Variants in GRIP2 observed in about 807,000 individuals in gnomAD.
GRIP2 encodes the protein glutamate receptor-interacting protein 2.
A neutral mutation model predicts 108.3 loss-of-function variants in GRIP2; 58 were observed. That is an observed-to-expected ratio of 0.54 (90% CI 0.43 to 0.67). The LOEUF (loss-of-function observed/expected upper bound fraction) is 0.67. GRIP2 is among the 30% of genes least tolerant of loss of function. The probability of loss-of-function intolerance (pLI) is 0.00; values close to 1 mark genes in which losing one functional copy is unlikely to be tolerated. For missense variants in GRIP2, 1,278 were observed against 1,430.6 expected, an observed-to-expected ratio of 0.89 and a Z score of 1.72; for synonymous variants, 586 against 598.2, an observed-to-expected ratio of 0.98 and a Z score of 0.30.
chr3:14,547,729 C>T (rs1284706969), intron 1 of GRIP2, among the ~76,000 whole-genome samples: 1 of 152,178 alleles, frequency 6.6e-6, no homozygotes, highest in African/African-American at 2.4e-5. Flanking sequence ...TGTCCACCAG[C>T]CCTCTCTCTG....
intron 1 of GRIP2, among the ~76,000 whole-genome samples, chr3:14,528,318 T>G (rs2124935964): frequency 6.6e-6 from 1 of 152,334 alleles, no homozygotes; most frequent in East Asian, 1.9e-4. Context: ...GTGTTTCCAG[T>G]TTTTGGTGAT....
chr3:14,501,253 A>C (rs1693756983), intron 21 of GRIP2, among the ~76,000 whole-genome samples: 1 of 152,224 alleles, frequency 6.6e-6, no homozygotes, highest in African/African-American at 2.4e-5. Context: ...GGGTGTTAGA[A>C]GTGCTCTGGA....
At chr3:14,545,812 T>C (rs1219741985), upstream of GRIP2, among the ~76,000 whole-genome samples, 2 of 152,198 alleles carry the variant, frequency 1.3e-5, no homozygotes, top group Non-Finnish European at 2.9e-5. Flanking sequence ...TGGTTACTTG[T>C]TCACTCAGAG....
At chr3:14,576,486 C>G in the GRIP2 span, among the ~76,000 whole-genome samples, 314 of 152,278 alleles carry the variant, frequency 2.1e-3, 2 homozygotes, top group African/African-American at 7.1e-3. Context: ...GCAAGGAGGG[C>G]GGGGAGAGGC....
At chr3:14,508,090 C>T (rs1010396152) in intron 17 of GRIP2, among the ~76,000 whole-genome samples, 2 of 152,210 alleles carry the variant, frequency 1.3e-5, no homozygotes, top group Non-Finnish European at 2.9e-5. Flanking sequence ...CAAATCATAA[C>T]TGAGGCGTGA....
chr3:14,570,130 G>A, the GRIP2 span, among the ~76,000 whole-genome samples: 9 of 152,322 alleles, frequency 5.9e-5, no homozygotes, highest in South Asian at 2.1e-4. Context: ...GGAAGGATGC[G>A]GGAAACATGC....
upstream of GRIP2, among the ~76,000 whole-genome samples, chr3:14,544,708 A>G (rs1368722295): frequency 2.0e-5 from 3 of 152,240 alleles, no homozygotes; most frequent in Non-Finnish European, 4.4e-5. Context: ...GGGCCGGGCC[A>G]GGACAATTGC....
At chr3:14,494,090 A>G (rs534163570) in intron 23 of GRIP2, among the ~76,000 whole-genome samples, 30 of 152,350 alleles carry the variant, frequency 2.0e-4, no homozygotes, top group Admixed American at 6.5e-4. Flanking sequence ...CCTTTCTCAC[A>G]TGAAAGAGCA....
Position 14,520,232 on chromosome 3 carries a change from G to A in GRIP2, c.908C>T (p.Thr303Ile). 6.2e-7 allele frequency: 1 copy of A among 1,613,884 alleles called. No individual in the cohort carries two copies. Among genetic ancestry groups the A allele is most frequent in the South Asian group, 1.1e-5 (1 of 91,038 alleles). ...PGDHILSIDG[T>I]SMEHCSLLEA... ...AAGCAGCGAGCAGTGTTCCATGCTGGTGCCATCGATGGACAGGATGTGGTC... is the reference window on the plus strand; with the variant it reads ...AAGCAGCGAGCAGTGTTCCATGCTGATGCCATCGATGGACAGGATGTGGTC... Residue 303 changes from threonine (T) to isoleucine (I), a missense_variant, in exon 9 of 24, where the codon ACC becomes ATC. Coordinates refer to ENST00000621039, the MANE Select transcript of GRIP2 (RefSeq NM_001080423.4).
chr3:14,552,791 C>T (rs894831920), intron 1 of GRIP2, among the ~76,000 whole-genome samples: 12 of 152,120 alleles, frequency 7.9e-5, no homozygotes, highest in African/African-American at 2.7e-4. Context: ...TGGGGTTTCA[C>T]CATGTTAGGC....
chr3:14,524,276 C>T, intron 4 of GRIP2, 117 bp downstream of exon 4: 1 of 1,234,456 alleles, frequency 8.1e-7, no homozygotes, highest in Non-Finnish European at 1.1e-6. Context: ...TGGCCAGTCT[C>T]CAGGTTCTAC....
At chr3:14,595,951 CAAG>C in the GRIP2 span, among the ~76,000 whole-genome samples, 1 of 152,242 alleles carries the variant, frequency 6.6e-6, no homozygotes, top group Admixed American at 6.5e-5. Context: ...ACTTCAGACT[CAAG>C]GAGGAATGGG....
the GRIP2 span, among the ~76,000 whole-genome samples, chr3:14,568,758 G>A: frequency 6.6e-6 from 1 of 152,212 alleles, no homozygotes; most frequent in South Asian, 2.1e-4. Context: ...GAGCGAGGGA[G>A]GAAGTAGCTA....
chr3:14,566,465 C>T, the GRIP2 span, among the ~76,000 whole-genome samples: 1 of 152,244 alleles, frequency 6.6e-6, no homozygotes, highest in Non-Finnish European at 1.5e-5. Context: ...TCCATACCCA[C>T]CACGCTGTGG....
chr3:14,548,262 T>TG (rs1272342087), intron 1 of GRIP2, among the ~76,000 whole-genome samples: 4 of 152,172 alleles, frequency 2.6e-5, no homozygotes, highest in African/African-American at 4.8e-5. Context: ...GCAGACACAG[T>TG]TCTGCGGAGA....
the GRIP2 span, among the ~76,000 whole-genome samples, chr3:14,584,643 G>A: frequency 2.0e-4 from 31 of 152,316 alleles, 1 homozygote; most frequent in African/African-American, 7.5e-4. Context: ...GCTCCAGAAT[G>A]CCCAGTGGTG....
chr3:14,563,367 T>C, the GRIP2 span, among the ~76,000 whole-genome samples: 1 of 152,080 alleles, frequency 6.6e-6, no homozygotes, highest in African/African-American at 2.4e-5. Flanking sequence ...AAATTTAAAA[T>C]TTAAAATAAA....
chr3:14,527,193 G>A (rs1214537585), intron 1 of GRIP2, among the ~76,000 whole-genome samples: 4 of 151,996 alleles, frequency 2.6e-5, no homozygotes, highest in Admixed American at 6.6e-5. Context: ...ACTCTGTCTC[G>A]AAAAGAGAGA....
the GRIP2 span, among the ~76,000 whole-genome samples, chr3:14,582,844 G>A: frequency 6.6e-6 from 1 of 152,192 alleles, no homozygotes; most frequent in Non-Finnish European, 1.5e-5. Context: ...TGGCTGGCTT[G>A]CCCATTAGAA....
Sources: allele counts gnomAD v4.1 joint callset (sites outside exome capture counted in the v4.1 genomes callset), GRCh38; gene constraint gnomAD v4.1.1; transcripts MANE v1.5; gene names NCBI Gene and HGNC (gene_info 2026-07-23, HGNC 2026-07-21).